The following FAM81A variants were observed in gnomAD, a reference collection of about 807,000 sequenced individuals.
FAM81A encodes the protein family with sequence similarity 81 member A, also known as protein FAM81A.
A neutral mutation model predicts 46.7 loss-of-function variants in FAM81A; 19 were observed. That is an observed-to-expected ratio of 0.41 (90% CI 0.28 to 0.60). FAM81A has a LOEUF of 0.60. FAM81A is among the 20% of genes least tolerant of loss of function. The pLI, the probability that FAM81A is intolerant of heterozygous loss-of-function variation, is 0.34. For synonymous variants in FAM81A, 183 were observed against 152.9 expected, an observed-to-expected ratio of 1.20 and a Z score of -1.45; for missense variants, 377 against 453.5, an observed-to-expected ratio of 0.83 and a Z score of 1.53.
chr15:59,516,857 A>T lies in FAM81A; in HGVS notation c.982+17A>T. 1 of 1,572,842 alleles carries T rather than the reference A, an allele frequency of 6.4e-7. No individual in the cohort carries two copies. Among genetic ancestry groups the T allele is most frequent in the Non-Finnish European group, 8.6e-7 (1 of 1,163,552 alleles). ...TTAATGCTGGTAGGCCAAAACCAGA[A>T]CAGCTCACGTGCTTTATTTTCTGTT... On this transcript the variant is annotated intron_variant, in intron 8 of 8. Coordinates refer to ENST00000288228, the MANE Select transcript of FAM81A (RefSeq NM_152450.3).
chr15:59,427,411 T>C (rs1204329884), intron 2 of FAM81A, among the ~76,000 whole-genome samples: 1 of 152,140 alleles, frequency 6.6e-6, no homozygotes, highest in East Asian at 1.9e-4. Context: ...ATGCCTCGCC[T>C]CTTTTAGCTA....
At chr15:59,490,190 G>A (rs1385695257) in intron 3 of FAM81A, among the ~76,000 whole-genome samples, 1 of 151,576 alleles carries the variant, frequency 6.6e-6, no homozygotes, top group African/African-American at 2.4e-5. Flanking sequence ...AAACTCTCTA[G>A]GACATTGGAG....
chr15:59,450,514 T>A (rs1377617587), intron 1 of FAM81A, among the ~76,000 whole-genome samples: 1 of 152,202 alleles, frequency 6.6e-6, no homozygotes, highest in Non-Finnish European at 1.5e-5. Context: ...CAATTCACAC[T>A]CCCATCTTGT....
Position 59,467,745 on chromosome 15 carries a change from G to A in FAM81A, c.294+7539G>A, listed in dbSNP as rs527946535. ...CCCTGGCCAGAACTTCCAACACCATGTTGAACAGGAATGGTGAGAGAGAGC... is the reference window on the plus strand; with the variant it reads ...CCCTGGCCAGAACTTCCAACACCATATTGAACAGGAATGGTGAGAGAGAGC... On this transcript the variant is annotated intron_variant, in intron 3 of 8. Transcript: ENST00000288228. Among the ~76,000 whole-genome samples, 5 of 152,310 alleles carry A rather than the reference G, an allele frequency of 3.3e-5. No homozygotes were observed. In the East Asian group the frequency reaches 9.6e-4, roughly 29 times the overall value.
chr15:59,403,789 T>C (rs947004793), intron 2 of FAM81A, among the ~76,000 whole-genome samples: 2 of 152,184 alleles, frequency 1.3e-5, no homozygotes, highest in Non-Finnish European at 2.9e-5. Context: ...ATACTTTAAA[T>C]TGCAAATTTC....
intron 3 of FAM81A, among the ~76,000 whole-genome samples, chr15:59,487,234 ATT>A (rs1491115640): frequency 8.2e-4 from 120 of 146,274 alleles, no homozygotes; most frequent in Non-Finnish European, 1.2e-3. Flanking sequence ...TTATATATAT[ATT>A]ATATATATAT....
chr15:59,511,939 G>T (rs1186770013), intron 6 of FAM81A, among the ~76,000 whole-genome samples: 1 of 152,094 alleles, frequency 6.6e-6, no homozygotes, highest in Admixed American at 6.5e-5. Context: ...GTAAGCCACT[G>T]CACCCGGCCC....
chr15:59,456,194 G>A (rs1208649530), intron 1 of FAM81A, among the ~76,000 whole-genome samples: 1 of 152,138 alleles, frequency 6.6e-6, no homozygotes, highest in East Asian at 1.9e-4. Context: ...AGGCTGGCAG[G>A]GGTGGGAAGG....
intron 2 of FAM81A, among the ~76,000 whole-genome samples, chr15:59,420,649 G>A (rs2081167432): frequency 6.6e-6 from 1 of 152,030 alleles, no homozygotes; most frequent in Non-Finnish European, 1.5e-5. Context: ...TAATGACAGG[G>A]TTCCTACCCC....
chr15:59,441,500 G>A (rs1352228964), intron 1 of FAM81A, among the ~76,000 whole-genome samples: 1 of 152,146 alleles, frequency 6.6e-6, no homozygotes, highest in Non-Finnish European at 1.5e-5. Flanking sequence ...TATCGTATGG[G>A]GTAGCACTGT....
chr15:59,494,495 T>C (rs2082013938), intron 4 of FAM81A, among the ~76,000 whole-genome samples: 1 of 152,242 alleles, frequency 6.6e-6, no homozygotes, highest in South Asian at 2.1e-4. Flanking sequence ...AAAAATTATT[T>C]TGAAATACTT....
intron 2 of FAM81A, among the ~76,000 whole-genome samples, chr15:59,459,604 G>A (rs1453821051): frequency 6.6e-6 from 1 of 152,018 alleles, no homozygotes; most frequent in African/African-American, 2.4e-5. Context: ...GGAGGAGGAG[G>A]AGAGCATGTT....
At position 59,477,961 on chromosome 15, in the gene FAM81A, G is replaced by C. The variant is rs960875917; in HGVS notation, c.295-14310G>C. The stretch of plus-strand genomic sequence containing the variant: ...AATGATCATCATCATTATAAATTTA[G>C]AGGAAGTAATATAGTCAACTATGAA... On this transcript the variant is annotated intron_variant, in intron 3 of 8. Transcript: ENST00000288228. 7.2e-5 allele frequency among the ~76,000 whole-genome samples: 11 copies of C among 152,276 alleles called. No individual in the cohort carries two copies. In the East Asian group the frequency reaches 1.9e-3, roughly 27 times the overall value.
intron 2 of FAM81A, among the ~76,000 whole-genome samples, chr15:59,409,972 T>A (rs1421282522): frequency 6.6e-6 from 1 of 152,164 alleles, no homozygotes; most frequent in Non-Finnish European, 1.5e-5. Context: ...ACTATTATTA[T>A]AATATAGAAA....
intron 3 of FAM81A, among the ~76,000 whole-genome samples, chr15:59,475,378 G>A (rs1452250588): frequency 1.3e-5 from 2 of 152,160 alleles, no homozygotes; most frequent in Non-Finnish European, 2.9e-5. Flanking sequence ...CTGTCCTCAA[G>A]TGACCAACCA....
chr15:59,426,450 C>G (rs1412115036), intron 2 of FAM81A, among the ~76,000 whole-genome samples: 1 of 152,144 alleles, frequency 6.6e-6, no homozygotes, highest in African/African-American at 2.4e-5. Context: ...TACTTCTCTA[C>G]TAAAAATACA....
intron 1 of FAM81A, chr15:59,444,420 G>A (rs948887391): frequency 2.0e-5 from 3 of 152,138 alleles, no homozygotes; most frequent in Non-Finnish European, 2.9e-5. Context: ...ACATCTTAAC[G>A]TCGTGTGTAT....
chr15:59,504,155 A>G (rs534337932), intron 4 of FAM81A, among the ~76,000 whole-genome samples: 2 of 152,328 alleles, frequency 1.3e-5, no homozygotes, highest in East Asian at 3.9e-4. Context: ...ATAGTATTTT[A>G]AAAACCTCAG....
intron 3 of FAM81A, among the ~76,000 whole-genome samples, chr15:59,472,559 CTTTT>C (rs11289675): frequency 6.9e-6 from 1 of 145,004 alleles, no homozygotes; most frequent in Admixed American, 6.9e-5. Flanking sequence ...TTCCCCATTC[CTTTT>C]TTTTTTTTTT....
Sources: allele counts gnomAD v4.1 joint callset (sites outside exome capture counted in the v4.1 genomes callset), GRCh38; gene constraint gnomAD v4.1.1; transcripts MANE v1.5; gene names NCBI Gene and HGNC (gene_info 2026-07-23, HGNC 2026-07-21).